ADAMTSL1: variants seen among roughly 807,000 people sequenced by gnomAD.
ADAMTSL1 encodes the protein ADAMTS-like protein 1.
In ADAMTSL1, 126 loss-of-function variants were observed where a neutral mutation model predicts 201.8. The observed-to-expected ratio is 0.62, with a 90% CI of 0.54 to 0.72. ADAMTSL1 has a LOEUF of 0.72. ADAMTSL1 is among the 30% of genes least tolerant of loss of function. ADAMTSL1 has a pLI of 0.00. For missense variants in ADAMTSL1, 2,679 were observed against 2,277.8 expected, an observed-to-expected ratio of 1.18 and a Z score of -3.59; for synonymous variants, 1,121 against 903.4, an observed-to-expected ratio of 1.24 and a Z score of -4.32.
chr9:18,330,086 G>A (rs952069227), intron 2 of ADAMTSL1, among the ~76,000 whole-genome samples: 3 of 152,222 alleles, frequency 2.0e-5, no homozygotes, highest in South Asian at 2.1e-4. Context: ...TAAAGTTCCC[G>A]ATTTTAAATG....
rs1015760459 is a variant in ADAMTSL1 at position 18,169,370 on chromosome 9, T to C, written c.207+5389T>C. On this transcript the variant is annotated intron_variant, in intron 2 of 29. Coordinates refer to the ADAMTSL1 transcript ENST00000680146. ...GCTAGCCAGTTTTCCCAGCACCACT[T>C]ATTAAATAGGGAATCCTTTCCCCAT... is the stretch of plus-strand genomic sequence containing the variant. Among the ~76,000 whole-genome samples the C allele has an allele frequency of 3.4e-4, 52 of 152,258 alleles. 1 individual carries two copies. The highest frequency in any genetic ancestry group is 3.3e-3 in the Admixed American group (51 of 15,276).
At chr9:18,356,456 AG>A (rs1243647738) in intron 2 of ADAMTSL1, among the ~76,000 whole-genome samples, 2 of 151,152 alleles carry the variant, frequency 1.3e-5, no homozygotes, top group African/African-American at 4.9e-5. Flanking sequence ...TGAACCTAGA[AG>A]TTCAAGGCTT....
intron 1 of ADAMTSL1, among the ~76,000 whole-genome samples, chr9:18,077,781 G>A (rs1823297990): frequency 6.6e-6 from 1 of 152,202 alleles, no homozygotes; most frequent in African/African-American, 2.4e-5. Context: ...GATAGAATGG[G>A]TAAAAGAGAG....
intron 1 of ADAMTSL1, among the ~76,000 whole-genome samples, chr9:18,119,112 T>C (rs1735713759): frequency 6.6e-6 from 1 of 152,136 alleles, no homozygotes; most frequent in African/African-American, 2.4e-5. Context: ...ATTTCATTAA[T>C]TTGTGAGAAC....
chr9:18,545,464 T>C (rs1820415067), intron 3 of ADAMTSL1, among the ~76,000 whole-genome samples: 2 of 152,200 alleles, frequency 1.3e-5, no homozygotes, highest in African/African-American at 4.8e-5. Flanking sequence ...ATATGCTTTT[T>C]TTTTTAAGAA....
chr9:18,503,872 T>G (rs1587396483), intron 1 of ADAMTSL1, among the ~76,000 whole-genome samples: 1 of 152,112 alleles, frequency 6.6e-6, no homozygotes, highest in East Asian at 1.9e-4. Flanking sequence ...AGCAACTGAT[T>G]GATAAAGGAT....
intron 2 of ADAMTSL1, among the ~76,000 whole-genome samples, chr9:18,240,858 G>A (rs1031690415): frequency 1.3e-5 from 2 of 152,112 alleles, no homozygotes; most frequent in Admixed American, 6.6e-5. Flanking sequence ...TTCTGTTATA[G>A]AGGCAGCTTC....
chr9:17,932,231 G>A (rs1826826634), intron 1 of ADAMTSL1, among the ~76,000 whole-genome samples: 1 of 152,160 alleles, frequency 6.6e-6, no homozygotes, highest in South Asian at 2.1e-4. Flanking sequence ...GTTTTTAGCT[G>A]CCACTGTTAA....
intron 2 of ADAMTSL1, among the ~76,000 whole-genome samples, chr9:18,270,701 C>T (rs1018446512): frequency 3.3e-5 from 5 of 152,146 alleles, no homozygotes; most frequent in African/African-American, 4.8e-5. Context: ...GGGAAGCTAA[C>T]AGACCATCAC....
chr9:18,714,867 A>G (rs374263837), intron 14 of ADAMTSL1, among the ~76,000 whole-genome samples: 37 of 151,042 alleles, frequency 2.4e-4, no homozygotes, highest in Admixed American at 1.3e-3. Flanking sequence ...CTGGCAAACC[A>G]AATCCAGCAG....
intron 2 of ADAMTSL1, among the ~76,000 whole-genome samples, chr9:18,398,253 A>G (rs186552770): frequency 4.6e-5 from 7 of 152,292 alleles, no homozygotes; most frequent in South Asian, 4.1e-4. Context: ...TTACTCTGCT[A>G]CTGACCCATA....
chr9:18,533,223 TTC>T, intron 2 of ADAMTSL1, 22 bp from the exon 3 acceptor site: 1 of 1,595,464 alleles, frequency 6.3e-7, no homozygotes, highest in Non-Finnish European at 8.5e-7. Flanking sequence ...GTAGTAATAT[TTC>T]TTTTTTCTTT....
At chr9:18,283,112 G>T (rs1832857460) in intron 2 of ADAMTSL1, among the ~76,000 whole-genome samples, 1 of 151,934 alleles carries the variant, frequency 6.6e-6, no homozygotes, top group African/African-American at 2.4e-5. Flanking sequence ...TGCTTCATTT[G>T]TTTGGTTGCT....
chr9:18,049,078 G>T (rs1821801671), intron 1 of ADAMTSL1, among the ~76,000 whole-genome samples: 2 of 151,980 alleles, frequency 1.3e-5, no homozygotes, highest in Admixed American at 6.5e-5. Context: ...CTTTCTCTGT[G>T]TCTCTGCTCT....
At position 18,832,312 on chromosome 9, in the gene ADAMTSL1, C is replaced by T. The variant is rs182268286; in HGVS notation, c.4249+2335C>T. Among the ~76,000 whole-genome samples, 317 of 152,256 alleles carry T rather than the reference C, an allele frequency of 2.1e-3. 5 individuals carry two copies. In the South Asian group the frequency reaches 0.042, roughly 20 times the overall value. Reference sequence around the variant, plus strand: ...GGTGGCCCTTTCAGACCACAGTGTGCGCTCTGGGTATGAGAAATAAGCCAG... The same window carrying T: ...GGTGGCCCTTTCAGACCACAGTGTGTGCTCTGGGTATGAGAAATAAGCCAG... On this transcript the variant is annotated intron_variant, in intron 23 of 28. Transcript: ENST00000380548.
At chr9:18,042,752 C>T (rs1319699723) in intron 1 of ADAMTSL1, among the ~76,000 whole-genome samples, 1 of 152,130 alleles carries the variant, frequency 6.6e-6, no homozygotes, top group Non-Finnish European at 1.5e-5. Flanking sequence ...GTTATAACTT[C>T]TACTCTGTAG....
At chr9:18,890,132 C>T (rs1249632370) in intron 25 of ADAMTSL1, among the ~76,000 whole-genome samples, 4 of 152,166 alleles carry the variant, frequency 2.6e-5, no homozygotes, top group East Asian at 1.9e-4. Context: ...GAGGAAACAA[C>T]GATTACTGGG....
At chr9:18,430,451 G>C (rs1819437976) in intron 2 of ADAMTSL1, among the ~76,000 whole-genome samples, 1 of 152,136 alleles carries the variant, frequency 6.6e-6, no homozygotes, top group Admixed American at 6.5e-5. Context: ...TATGGACTTG[G>C]AACTGATCTA....
At chr9:17,990,105 C>A (rs1819090312) in intron 1 of ADAMTSL1, among the ~76,000 whole-genome samples, 1 of 151,626 alleles carries the variant, frequency 6.6e-6, no homozygotes, top group African/African-American at 2.4e-5. Flanking sequence ...GGGTGGGGGG[C>A]ACACAAGAAT....
Sources: allele counts gnomAD v4.1 joint callset (sites outside exome capture counted in the v4.1 genomes callset), GRCh38; gene constraint gnomAD v4.1.1; transcripts MANE v1.5; gene names NCBI Gene and HGNC (gene_info 2026-07-23, HGNC 2026-07-21).